Variants in TMEM266 observed in about 807,000 individuals in gnomAD.
TMEM266 encodes the protein Hv1 related protein 1.
TMEM266 carries 33 observed loss-of-function variants against 50.5 expected under a neutral mutation model. That is an observed-to-expected ratio of 0.65 (90% CI 0.50 to 0.87). The LOEUF (loss-of-function observed/expected upper bound fraction) is 0.87. Among genes scored for constraint, TMEM266 ranks in the 40% least tolerant of loss-of-function variants. The pLI is 0.00. For synonymous variants in TMEM266, 310 were observed against 292.3 expected, an observed-to-expected ratio of 1.06 and a Z score of -0.62; for missense variants, 655 against 695.1, an observed-to-expected ratio of 0.94 and a Z score of 0.65.
chr15:76,096,098 CTT>C (rs2036917219), intron 1 of TMEM266, among the ~76,000 whole-genome samples: 1 of 151,802 alleles, frequency 6.6e-6, no homozygotes, highest in Non-Finnish European at 1.5e-5. Context: ...AAGGATTTTT[CTT>C]GTCTCTATCT....
rs2037933135 is a variant in TMEM266, at chr15:76,156,668, G to T, written c.292G>T (p.Ala98Ser). ...CGTGTGGCAGGTATTTTTGCTCAGTGCAAGTCTCAACAGTTTCCTGGTAGC... is the reference window on the plus strand; with the variant it reads ...CGTGTGGCAGGTATTTTTGCTCAGTTCAAGTCTCAACAGTTTCCTGGTAGC... ...LSASLNSFLV[A>S]CVILVVILLT... Residue 98 changes from alanine (A) to serine (S), a missense_variant, in exon 4 of 11, where the codon GCA (alanine) becomes TCA (serine). Physicochemically the swap from Ala to Ser is moderately conservative, Grantham distance 99. Transcript: ENST00000388942. The T allele has an allele frequency of 6.2e-7, 1 of 1,614,092 alleles. No homozygotes were observed.
intron 5 of TMEM266, among the ~76,000 whole-genome samples, chr15:76,166,114 G>A (rs887631521): frequency 2.0e-5 from 3 of 152,152 alleles, no homozygotes; most frequent in Non-Finnish European, 2.9e-5. Context: ...AGTCCAGCGC[G>A]TGTTTTCGGA....
intron 1 of TMEM266, among the ~76,000 whole-genome samples, chr15:76,061,686 T>C (rs1436936335): frequency 6.6e-6 from 1 of 152,232 alleles, no homozygotes; most frequent in Admixed American, 6.5e-5. Flanking sequence ...GTCCAAGATG[T>C]GCTTCCATTT....
chr15:76,060,360 A>AGG (rs57501212), intron 1 of TMEM266, among the ~76,000 whole-genome samples: 29 of 142,842 alleles, frequency 2.0e-4, no homozygotes, highest in African/African-American at 7.4e-4. Flanking sequence ...TGCAAGCTGG[A>AGG]GGGGGGGGTT....
In TMEM266 at chr15:76,153,537, G is replaced by A. The variant is rs2142044655; in HGVS notation, c.228-3067G>A. ...CCGCAGACAACGGTAATGGGCATTG[G>A]GGAGAATGTGGAATTGGAGCCAGGT... On this transcript the variant is annotated intron_variant, in intron 3 of 10. Transcript: ENST00000388942. The surrounding 1 kb of genome is among the most constrained non-coding windows in gnomAD (Gnocchi z 4.2). Among the ~76,000 whole-genome samples the A allele has an allele frequency of 6.6e-6, 1 of 152,348 alleles. No individual in the cohort carries two copies. Among genetic ancestry groups the A allele is most frequent in the East Asian group, 1.9e-4 (1 of 5,182 alleles).
In TMEM266 at chr15:76,131,044, A is replaced by C. The variant is rs113267211; in HGVS notation, c.-96-3124A>C. 6.6e-3 allele frequency among the ~76,000 whole-genome samples: 1,010 copies of C among 152,276 alleles called. 9 individuals are homozygous for C. Among genetic ancestry groups the C allele is most frequent in the African/African-American group, 0.023 (973 of 41,542 alleles). On this transcript the variant is annotated intron_variant, in intron 1 of 10. Transcript: ENST00000388942. ...CCATGAAAGTAATGACCTTCCCATT[A>C]TATCCCCCACAGGGCTAATACCTTG...
chr15:76,162,479 C>T (rs749481066), intron 5 of TMEM266, among the ~76,000 whole-genome samples: 5 of 152,184 alleles, frequency 3.3e-5, no homozygotes, highest in Non-Finnish European at 5.9e-5. Context: ...TGTCTGTGCC[C>T]CTCACAATGA....
chr15:76,060,331 T>C (rs1169957153), intron 1 of TMEM266, among the ~76,000 whole-genome samples: 1 of 149,418 alleles, frequency 6.7e-6, no homozygotes, highest in Non-Finnish European at 1.5e-5. Flanking sequence ...TGTGCCATCT[T>C]GCATTTATTA....
chr15:76,143,369 C>T (rs994142258), intron 3 of TMEM266, among the ~76,000 whole-genome samples: 3 of 152,214 alleles, frequency 2.0e-5, no homozygotes, highest in Non-Finnish European at 4.4e-5. Context: ...GCCTCGTCCA[C>T]ACCATGGAAA....
chr15:76,130,254 A>AAAAAAAAAC, intron 1 of TMEM266, among the ~76,000 whole-genome samples: 1 of 34,942 alleles, frequency 2.9e-5, no homozygotes, highest in African/African-American at 1.4e-4. Flanking sequence ...AAAAAAAAAA[A>AAAAAAAAAC]CCGCCGGGTG....
intron 1 of TMEM266, among the ~76,000 whole-genome samples, chr15:76,089,805 A>G (rs2036825183): frequency 6.6e-6 from 1 of 152,128 alleles, no homozygotes; most frequent in South Asian, 2.1e-4. Context: ...GAGGATCTGA[A>G]TTAGGGTAGC....
In TMEM266 at chr15:76,160,597, C is replaced by A. The variant is rs1291261647; in HGVS notation, c.456+429C>A. 5.3e-5 allele frequency among the ~76,000 whole-genome samples: 8 copies of A among 152,174 alleles called. No individual in the cohort carries two copies. Among genetic ancestry groups the A allele is most frequent in the African/African-American group, 1.9e-4 (8 of 41,444 alleles). ...GTCTTGGGCCCACAGTTGGCCGGAC[C>A]TTTGGGGCTGAAGCACGCAGTGGGT... On this transcript the variant is annotated intron_variant, in intron 5 of 10. Coordinates refer to ENST00000388942, the MANE Select transcript of TMEM266 (RefSeq NM_152335.3). This position sits in a 1 kb window ranked among gnomAD's most constrained non-coding sequence, Gnocchi z 5.7.
chr15:76,101,497 C>T (rs1222133482), intron 1 of TMEM266, among the ~76,000 whole-genome samples: 1 of 152,212 alleles, frequency 6.6e-6, no homozygotes, highest in Non-Finnish European at 1.5e-5. Flanking sequence ...GACGCAAGTT[C>T]CAGAACTGGT....
At chr15:76,136,261 G>A (rs143493006) in intron 2 of TMEM266, among the ~76,000 whole-genome samples, 31 of 152,324 alleles carry the variant, frequency 2.0e-4, no homozygotes, top group Admixed American at 1.6e-3. Context: ...TGTATTATTG[G>A]TTAGATTTCA....
At chr15:76,191,725 TGGG>T in intron 8 of TMEM266, 2 of 454,096 alleles carry the variant, frequency 4.4e-6, no homozygotes, top group Non-Finnish European at 7.7e-6. Context: ...ATCCGTGAGA[TGGG>T]GGCCAGACTG....
At chr15:76,129,130 C>T (rs1023157982) in intron 1 of TMEM266, among the ~76,000 whole-genome samples, 2 of 152,100 alleles carry the variant, frequency 1.3e-5, no homozygotes, top group African/African-American at 4.8e-5. Context: ...TAAAATATCA[C>T]CATTTTTGCA....
At chr15:76,190,719 T>C (rs16967958) in intron 8 of TMEM266, among the ~76,000 whole-genome samples, 8,833 of 152,234 alleles carry the variant, frequency 0.058, 313 homozygotes, top group Middle Eastern at 0.088. Context: ...TTTGACCAGA[T>C]TGATTTTGCA....
intron 8 of TMEM266, chr15:76,191,714 C>G (rs921527067): frequency 6.8e-6 from 3 of 443,912 alleles, no homozygotes; most frequent in Middle Eastern, 5.7e-4. Context: ...CTCTCCCGGG[C>G]ATCCGTGAGA....
intron 2 of TMEM266, among the ~76,000 whole-genome samples, chr15:76,135,938 G>A (rs1050739837): frequency 1.4e-5 from 2 of 145,958 alleles, no homozygotes; most frequent in Non-Finnish European, 3.0e-5. Context: ...AACTGCAGCT[G>A]TGGGTTTTTT....
Sources: allele counts gnomAD v4.1 joint callset (sites outside exome capture counted in the v4.1 genomes callset), GRCh38; gene constraint gnomAD v4.1.1; non-coding constraint Gnocchi (gnomAD v3.1); transcripts MANE v1.5; gene names NCBI Gene and HGNC (gene_info 2026-07-23, HGNC 2026-07-21).